The following GSK3B variants were observed in gnomAD, a reference collection of about 807,000 sequenced individuals.
GSK3B encodes glycogen synthase kinase-3 beta.
In GSK3B, 15 loss-of-function variants were observed where a neutral mutation model predicts 56.4. That is an observed-to-expected ratio of 0.27 (90% CI 0.18 to 0.41). GSK3B has a LOEUF of 0.41. Among genes scored for constraint, GSK3B ranks in the 10% least tolerant of loss-of-function variants. The pLI is 1.00. For missense variants in GSK3B, 300 were observed against 513.4 expected (o/e 0.58, Z 4.02); for synonymous variants, 181 against 188.9 (o/e 0.96, Z 0.34).
At chr3:119,855,058 G>A (rs2055997464) in intron 9 of GSK3B, among the ~76,000 whole-genome samples, 1 of 152,106 alleles carries the variant, frequency 6.6e-6, no homozygotes, top group Non-Finnish European at 1.5e-5. Flanking sequence ...TGGGCATTTA[G>A]TGCTATAAAT....
intron 10 of GSK3B, among the ~76,000 whole-genome samples, chr3:119,838,393 A>C (rs2055725193): frequency 6.6e-6 from 1 of 152,208 alleles, no homozygotes; most frequent in Non-Finnish European, 1.5e-5. Context: ...GTCTCTAGAT[A>C]CTAAAGCATT....
intron 1 of GSK3B, among the ~76,000 whole-genome samples, chr3:120,072,464 G>C (rs2058334554): frequency 1.3e-5 from 2 of 152,054 alleles, no homozygotes; most frequent in African/African-American, 2.4e-5. Context: ...GTACGTGCCT[G>C]TAATCCCAAC....
chr3:119,985,818 G>A (rs1283494263), intron 2 of GSK3B, among the ~76,000 whole-genome samples: 1 of 152,180 alleles, frequency 6.6e-6, no homozygotes, highest in African/African-American at 2.4e-5. Context: ...TTTCTTCACA[G>A]AATTGGAAAA....
intron 2 of GSK3B, among the ~76,000 whole-genome samples, chr3:119,974,249 CA>C (rs2057392123): frequency 1.1e-4 from 17 of 152,096 alleles, no homozygotes; most frequent in Admixed American, 9.8e-4. Flanking sequence ...TAAAACTCAA[CA>C]ATAAGAAAAC....
At chr3:119,909,062 G>A (rs984524285) in intron 6 of GSK3B, among the ~76,000 whole-genome samples, 4 of 152,062 alleles carry the variant, frequency 2.6e-5, no homozygotes, top group African/African-American at 7.2e-5. Context: ...TTCTGTCACC[G>A]AGCTGGAGTG....
chr3:119,861,001 G>C (rs1386760186), intron 9 of GSK3B, among the ~76,000 whole-genome samples: 2 of 152,060 alleles, frequency 1.3e-5, no homozygotes, highest in Non-Finnish European at 2.9e-5. Context: ...ATTTCCTTTA[G>C]CTATACAACC....
intron 2 of GSK3B, among the ~76,000 whole-genome samples, chr3:119,954,246 A>G (rs972132271): frequency 1.7e-5 from 2 of 120,628 alleles, no homozygotes; most frequent in Admixed American, 8.2e-5. Flanking sequence ...ATAGAATAGA[A>G]TAGAATAGAA....
At chr3:119,910,477 T>TAA (rs111276101) in intron 6 of GSK3B, among the ~76,000 whole-genome samples, 3 of 151,370 alleles carry the variant, frequency 2.0e-5, no homozygotes, top group African/African-American at 7.3e-5. Flanking sequence ...ACTTTATTAC[T>TAA]AAAAAAAAAT....
chr3:120,036,384 G>C (rs1463087798), intron 1 of GSK3B, among the ~76,000 whole-genome samples: 1 of 152,114 alleles, frequency 6.6e-6, no homozygotes, highest in African/African-American at 2.4e-5. Context: ...AACTAATTCT[G>C]ATCATCAGTT....
At chr3:119,866,001 G>A (rs1285090965) in intron 8 of GSK3B, among the ~76,000 whole-genome samples, 1 of 152,092 alleles carries the variant, frequency 6.6e-6, no homozygotes, top group Non-Finnish European at 1.5e-5. Flanking sequence ...AAACCCTTGA[G>A]AGATTCTTGA....
chr3:119,894,061 G>A (rs549245124), intron 7 of GSK3B, among the ~76,000 whole-genome samples: 1 of 151,920 alleles, frequency 6.6e-6, no homozygotes, highest in Non-Finnish European at 1.5e-5. Context: ...CAGCTCCCCA[G>A]AACCACTAAT....
At chr3:120,062,126 C>G (rs959672811) in intron 1 of GSK3B, among the ~76,000 whole-genome samples, 3 of 152,160 alleles carry the variant, frequency 2.0e-5, no homozygotes, top group Admixed American at 2.0e-4. Flanking sequence ...TTGGGGAACA[C>G]AGAGTATAAT....
intron 1 of GSK3B, among the ~76,000 whole-genome samples, chr3:120,062,912 A>T (rs1458628957): frequency 1.3e-5 from 2 of 152,220 alleles, no homozygotes; most frequent in Admixed American, 1.3e-4. Flanking sequence ...TTTAGAGCAG[A>T]TTACAATACT....
intron 1 of GSK3B, among the ~76,000 whole-genome samples, chr3:120,022,028 C>CT (rs747278509): frequency 6.6e-6 from 1 of 152,174 alleles, no homozygotes; most frequent in Non-Finnish European, 1.5e-5. Context: ...AGACACCCAT[C>CT]TCTATTAAAA....
intron 10 of GSK3B, among the ~76,000 whole-genome samples, chr3:119,834,184 A>G (rs1250360025): frequency 1.3e-5 from 2 of 152,162 alleles, no homozygotes; most frequent in Non-Finnish European, 2.9e-5. Context: ...TATACTGTGT[A>G]CCTAACTCAG....
intron 4 of GSK3B, among the ~76,000 whole-genome samples, chr3:119,922,574 A>G (rs752439522): frequency 1.7e-4 from 25 of 150,420 alleles, no homozygotes; most frequent in Admixed American, 6.6e-4. Flanking sequence ...AAGAACTTCT[A>G]TTATTAATGG....
intron 1 of GSK3B, chr3:120,028,761 G>T: frequency 2.1e-6 from 1 of 474,724 alleles, no homozygotes; most frequent in South Asian, 1.6e-5. Flanking sequence ...AGGCTGGGCA[G>T]AGAGAGGTTG....
chr3:119,940,201 T>C (rs1175376820), intron 3 of GSK3B, among the ~76,000 whole-genome samples: 1 of 151,754 alleles, frequency 6.6e-6, no homozygotes. Flanking sequence ...ATATATATTA[T>C]ACATACATAT....
At chr3:119,998,173 G>A (rs2057642265) in intron 2 of GSK3B, among the ~76,000 whole-genome samples, 1 of 152,096 alleles carries the variant, frequency 6.6e-6, no homozygotes, top group Admixed American at 6.6e-5. Flanking sequence ...TTCTAGGATG[G>A]CCCTAAATGA....
Sources: gnomAD v4.1 joint callset for allele counts (sites outside exome capture counted in the v4.1 genomes callset) on GRCh38, gnomAD v4.1.1 for gene constraint, MANE v1.5 for transcripts, NCBI Gene and HGNC (gene_info 2026-07-23, HGNC 2026-07-21) for gene names.